The following CD109 variants were observed in gnomAD, a reference collection of about 807,000 sequenced individuals.
CD109 encodes CD109 molecule, also known as CD109 antigen.
In CD109, 149 loss-of-function variants were observed where a neutral mutation model predicts 165.8. The ratio of observed to expected loss-of-function variants is 0.90; its 90% confidence interval spans 0.79 to 1.03. The LOEUF (loss-of-function observed/expected upper bound fraction) is 1.03. Among genes scored for constraint, CD109 ranks in the 50% least tolerant of loss-of-function variants. CD109 has a pLI of 0.00. For missense variants in CD109, 1,712 were observed against 1,677.8 expected (o/e 1.02, Z -0.36); for synonymous variants, 585 against 592.1 (o/e 0.99, Z 0.18).
chr6:73,681,792 G>C, the CD109 span, among the ~76,000 whole-genome samples: 2 of 151,920 alleles, frequency 1.3e-5, no homozygotes, highest in African/African-American at 4.8e-5. Flanking sequence ...TAGTAGAGAT[G>C]GGGTTTCACC....
intron 2 of CD109, among the ~76,000 whole-genome samples, chr6:73,714,786 A>G (rs886449583): frequency 6.6e-6 from 1 of 152,234 alleles, no homozygotes; most frequent in African/African-American, 2.4e-5. Flanking sequence ...AACTTCATGG[A>G]AGAAGAATCC....
intron 2 of CD109, among the ~76,000 whole-genome samples, chr6:73,717,765 G>A (rs538081408): frequency 2.5e-4 from 38 of 151,532 alleles, no homozygotes; most frequent in African/African-American, 8.0e-4. Context: ...GACTACAGGC[G>A]CCTGCAACCA....
chr6:73,745,305 A>G (rs1257435968), intron 5 of CD109, among the ~76,000 whole-genome samples: 1 of 152,132 alleles, frequency 6.6e-6, no homozygotes, highest in Admixed American at 6.5e-5. Flanking sequence ...GGGTTTCACC[A>G]TGTTGGCCAG....
At chr6:73,756,531 A>G in intron 5 of CD109, 112 bp from the exon 6 acceptor site, 1 of 713,124 alleles carries the variant, frequency 1.4e-6, no homozygotes, top group Non-Finnish European at 2.3e-6. Context: ...GCATCATTAT[A>G]AATGTAATTT....
At chr6:73,696,031 A>G, upstream of CD109, 2 of 585,104 alleles carry the variant, frequency 3.4e-6, no homozygotes, top group Non-Finnish European at 3.1e-6. Context: ...TGGGGATGGG[A>G]GGGGTGGAGC....
At chr6:73,790,472 A>T (rs1275527651) in intron 22 of CD109, among the ~76,000 whole-genome samples, 1 of 152,210 alleles carries the variant, frequency 6.6e-6, no homozygotes, top group Non-Finnish European at 1.5e-5. Context: ...AAACAGAACC[A>T]ATAGGAGATA....
At chr6:73,759,571 T>A (rs1773532850) in intron 7 of CD109, among the ~76,000 whole-genome samples, 1 of 152,256 alleles carries the variant, frequency 6.6e-6, no homozygotes. Context: ...TAATTGTATC[T>A]TTGTTTCACA....
chr6:73,723,341 T>A, intron 3 of CD109, 62 bp downstream of exon 3: 3 of 1,243,506 alleles, frequency 2.4e-6, no homozygotes, highest in Non-Finnish European at 3.5e-6. Context: ...CTAAATAAAT[T>A]AATATTTTAT....
chr6:73,808,134 A>G lies in CD109; in HGVS notation c.3241A>G (p.Arg1081Gly). 6.2e-7 allele frequency: 1 copy of G among 1,613,322 alleles called. No homozygotes were observed. Among genetic ancestry groups the G allele is most frequent in the Non-Finnish European group, 8.5e-7 (1 of 1,179,488 alleles). ...CCATTTTTTGGAGTCTGAATTCAGT[A>G]GAGGAATTTCAGACAATTATACTCT... ...SIHFLESEFS[R>G]GISDNYTLAL... The change falls in exon 26 of 33, where the codon AGA becomes GGA. Residue 1081 changes from arginine (R) to glycine (G), a missense_variant. By Grantham distance (125) the Arg-to-Gly change is moderately radical. Transcript: ENST00000287097.
chr6:73,820,296 A>G (rs1285119437), intron 31 of CD109, among the ~76,000 whole-genome samples, 165 bp from the exon 32 acceptor site: 1 of 152,214 alleles, frequency 6.6e-6, no homozygotes, highest in Non-Finnish European at 1.5e-5. Context: ...TTTACAAGTT[A>G]AATAAGATAG....
At chr6:73,792,101 C>T (rs1049120785) in intron 22 of CD109, among the ~76,000 whole-genome samples, 7 of 152,016 alleles carry the variant, frequency 4.6e-5, no homozygotes, top group African/African-American at 4.8e-5. Context: ...AATCCTTTTC[C>T]GAATCCTTTT....
intron 5 of CD109, among the ~76,000 whole-genome samples, chr6:73,746,068 T>G (rs1358016001): frequency 2.0e-5 from 3 of 152,224 alleles, no homozygotes; most frequent in Non-Finnish European, 4.4e-5. Context: ...TACCTTTAGG[T>G]AGATTCACAG....
intron 9 of CD109, among the ~76,000 whole-genome samples, chr6:73,763,160 A>G (rs1322422326): frequency 1.3e-5 from 2 of 152,124 alleles, no homozygotes; most frequent in African/African-American, 4.8e-5. Flanking sequence ...GGAAAGGCTT[A>G]CATTTTCAGC....
chr6:73,693,153 T>TAA (rs34981826), upstream of CD109, among the ~76,000 whole-genome samples: 44 of 150,470 alleles, frequency 2.9e-4, no homozygotes, highest in African/African-American at 7.3e-4. Context: ...GGTAATTTAT[T>TAA]AAAAAAAAAA....
intron 17 of CD109, 129 bp from the exon 18 acceptor site, chr6:73,782,485 C>G: frequency 1.2e-6 from 1 of 820,212 alleles, no homozygotes; most frequent in Non-Finnish European, 1.9e-6. Flanking sequence ...ACAGAAGGAA[C>G]CTGATACTCT....
At chr6:73,694,673 G>A (rs1770761238), upstream of CD109, 1 of 152,200 alleles carries the variant, frequency 6.6e-6, no homozygotes. Context: ...CAGAATCCCA[G>A]TCCTCGTTCC....
chr6:73,808,607 G>A (rs987427667), intron 26 of CD109, among the ~76,000 whole-genome samples: 27 of 152,138 alleles, frequency 1.8e-4, no homozygotes, highest in African/African-American at 6.3e-4. Flanking sequence ...ATGAGGTTCA[G>A]TTTTCCCAAC....
At chr6:73,770,225 A>C (rs72957306) in intron 14 of CD109, among the ~76,000 whole-genome samples, 16,712 of 152,282 alleles carry the variant, frequency 0.11, 1,182 homozygotes, top group Non-Finnish European at 0.16. Context: ...AAAACTGGCC[A>C]GAGGCTGGGA....
rs1774026789 is a variant in CD109, at chr6:73,771,365, G to A, written c.1675-64G>A. ...TTGCTATATTTTGGGCCAGTGGTCT[G>A]CTATTGGCAAGAATATGCTTTAAAA... On this transcript the variant is annotated intron_variant, in intron 14 of 32. Transcript: ENST00000287097. The A allele has an allele frequency of 2.9e-6, 4 of 1,379,768 alleles. No homozygotes were observed. The East Asian group carries it at 9.6e-5, about 33-fold the overall frequency. 85.5% of individuals were successfully genotyped at this position (1,379,768 alleles called of 1,614,324 possible). A position where few individuals can be genotyped will look rare whatever the true frequency, so the allele number is the denominator to read the frequency against.
Sources: gnomAD v4.1 joint callset for allele counts (sites outside exome capture counted in the v4.1 genomes callset) on GRCh38, gnomAD v4.1.1 for gene constraint, MANE v1.5 for transcripts, NCBI Gene and HGNC (gene_info 2026-07-23, HGNC 2026-07-21) for gene names.